The following TRAF1 variants were observed in gnomAD, a reference collection of about 807,000 sequenced individuals.
TRAF1 encodes TNF receptor-associated factor 1.
Under a neutral mutation model 40.9 loss-of-function variants are expected in TRAF1, and 23 were observed. The observed-to-expected ratio is 0.56, with a 90% confidence interval of 0.40 to 0.80. The LOEUF is 0.80. Ranked by LOEUF, TRAF1 falls within the 30% of genes least tolerant of loss-of-function variation. The pLI is 0.00. For missense variants in TRAF1, 477 were observed against 528.7 expected, an observed-to-expected ratio of 0.90 and a Z score of 0.96; for synonymous variants, 206 against 218.8, an observed-to-expected ratio of 0.94 and a Z score of 0.52.
At chr9:120,916,478 T>C (rs75291069) in intron 3 of TRAF1, among the ~76,000 whole-genome samples, 2 of 151,486 alleles carry the variant, frequency 1.3e-5, no homozygotes, top group African/African-American at 4.8e-5. Context: ...TATTTATTTA[T>C]TTTTTTTTGA....
chr9:120,919,759 T>G (rs982597807), intron 3 of TRAF1, among the ~76,000 whole-genome samples: 2 of 152,214 alleles, frequency 1.3e-5, no homozygotes, highest in Non-Finnish European at 2.9e-5. Context: ...TGGTTGAACA[T>G]AGTCTTGCCC....
chr9:120,923,591 T>G, intron 3 of TRAF1, 114 bp downstream of exon 3: 1 of 925,374 alleles, frequency 1.1e-6, no homozygotes, highest in South Asian at 1.3e-5. Flanking sequence ...CAGTCTGGAC[T>G]CAGGACTAGT....
At chr9:120,906,928 G>T (rs1016211141) in intron 7 of TRAF1, among the ~76,000 whole-genome samples, 1 of 152,114 alleles carries the variant, frequency 6.6e-6, no homozygotes, top group African/African-American at 2.4e-5. Context: ...GAGTACAGTG[G>T]CGCGATCTCA....
rs1368032044 is a variant in TRAF1 at position 120,923,582 on chromosome 9, A to G, written c.228+123T>C. 6 of 849,702 alleles carry G rather than the reference A, an allele frequency of 7.1e-6. No homozygotes were observed. In the East Asian group the frequency reaches 1.3e-4, roughly 18 times the overall value. 52.6% of individuals were successfully genotyped at this position (849,702 alleles called of 1,614,324 possible). A position where few individuals can be genotyped will look rare whatever the true frequency, so the allele number is the denominator to read the frequency against. On this transcript the variant is annotated intron_variant, in intron 3 of 7. Coordinates refer to ENST00000373887, the MANE Select transcript of TRAF1 (RefSeq NM_005658.5). Reference sequence around the variant, plus strand: ...TCCTTATTCCTTATAAAGCAAATTCAGTCTGGACTCAGGACTAGTTGGGAG... The same window carrying G: ...TCCTTATTCCTTATAAAGCAAATTCGGTCTGGACTCAGGACTAGTTGGGAG...
Position 120,923,806 on chromosome 9 carries a change from G to C in TRAF1, c.141-14C>G. On this transcript the variant is annotated splice_polypyrimidine_tract_variant and intron_variant, in intron 2 of 7. Coordinates refer to ENST00000373887, the MANE Select transcript of TRAF1 (RefSeq NM_005658.5). ...TCCTCGCCATTCCTGGGGAAACATG[G>C]ACAAAGCCTTGGAGAGAGGCACTAC... 6.2e-7 allele frequency: 1 copy of C among 1,613,600 alleles called. No individual in the cohort carries two copies.
intron 3 of TRAF1, among the ~76,000 whole-genome samples, chr9:120,917,861 T>C (rs1342614471): frequency 6.6e-6 from 1 of 152,126 alleles, no homozygotes; most frequent in Admixed American, 6.6e-5. Context: ...GTTTTGCCAT[T>C]GTTATGGGCT....
At position 120,909,263 on chromosome 9, in the gene TRAF1, A is replaced by G. The variant is rs751410769; in HGVS notation, c.999T>C (p.Tyr333=). Residue 333 remains tyrosine (Y), a synonymous_variant, in exon 7 of 8, where the codon TAT becomes TAC. Transcript: ENST00000373887. ...GGAAGGGCCACGGCAGCAGCGCATC[A>G]TACTCCCCTCTCATGATCACGATGA... ...SLFIVIMRGE[Y]DALLPWPFRN... 3.1e-6 allele frequency: 5 copies of G among 1,614,068 alleles called. No individual in the cohort carries two copies. The highest frequency in any genetic ancestry group is 1.3e-5 in the African/African-American group (1 of 75,018).
intron 3 of TRAF1, among the ~76,000 whole-genome samples, chr9:120,919,794 G>A (rs1162632721): frequency 1.3e-5 from 2 of 152,154 alleles, no homozygotes; most frequent in Non-Finnish European, 2.9e-5. Context: ...CATAGCACTT[G>A]GTGGACTCCT....
chr9:120,909,234 T>C lies in TRAF1; in HGVS notation c.1028A>G (p.Asn343Ser). ...CCATCACCTTCACACCCATACCTTG[T>C]TCCGGAAGGGCCACGGCAGCAGCGC... ...YDALLPWPFR[N>S]KVTFMLLDQN... The change falls in exon 7 of 8, where the codon AAC becomes AGC. Residue 343 changes from asparagine (N) to serine (S), a missense_variant. Asn to Ser is a conservative substitution (Grantham distance 46). Coordinates refer to ENST00000373887, the MANE Select transcript of TRAF1 (RefSeq NM_005658.5). 6.2e-7 allele frequency: 1 copy of C among 1,613,784 alleles called. No individual in the cohort carries two copies. Among genetic ancestry groups the C allele is most frequent in the South Asian group, 1.1e-5 (1 of 91,062 alleles).
intron 3 of TRAF1, among the ~76,000 whole-genome samples, chr9:120,919,641 C>T (rs75296122): frequency 0.012 from 1,864 of 152,274 alleles, 33 homozygotes; most frequent in African/African-American, 0.042. Flanking sequence ...GTCAGTCTGC[C>T]ACTGTCCGCC....
chr9:120,904,710 C>T lies in TRAF1; in HGVS notation c.*310G>A. The T allele has an allele frequency of 2.7e-6, 1 of 367,000 alleles. No individual in the cohort carries two copies. The highest frequency in any genetic ancestry group is 2.1e-5 in the African/African-American group (1 of 48,638). 22.7% of individuals were successfully genotyped at this position (367,000 alleles called of 1,614,324 possible). ...GTTCCAAGCCTGGTTCCATTTTCTT[C>T]TCATTTGGTGAGAGTCCACCTCAAC... On this transcript the variant is annotated 3_prime_UTR_variant, in exon 8 of 8. Coordinates refer to ENST00000373887, the MANE Select transcript of TRAF1 (RefSeq NM_005658.5).
intron 3 of TRAF1, among the ~76,000 whole-genome samples, chr9:120,916,416 T>C (rs2046569881): frequency 6.6e-6 from 1 of 152,212 alleles, no homozygotes; most frequent in Non-Finnish European, 1.5e-5. Context: ...ACACTTAAAA[T>C]GAGTGAGTTT....
In TRAF1 at chr9:120,926,234, G is replaced by C. The variant is rs1328282916; in HGVS notation, c.-159C>G. ...TTGTGTGGTTCAACGTCACAGCTGA[G>C]TCACAGCAGGGATGGAGCAGGAATT... On this transcript the variant is annotated 5_prime_UTR_variant, in exon 2 of 8. Transcript: ENST00000373887. The C allele has an allele frequency of 1.4e-6, 1 of 739,280 alleles. No homozygotes were observed. The highest frequency in any genetic ancestry group is 3.6e-5 in the Admixed American group (1 of 27,728). The allele number at this position is 739,280 out of a possible 1,614,324, so 45.8% of individuals were successfully genotyped here.
At chr9:120,915,122 G>A (rs144134050) in intron 3 of TRAF1, among the ~76,000 whole-genome samples, 78 of 152,276 alleles carry the variant, frequency 5.1e-4, no homozygotes, top group African/African-American at 1.8e-3. Flanking sequence ...CAGCCCAGGA[G>A]AGATGGGAAA....
intron 3 of TRAF1, among the ~76,000 whole-genome samples, chr9:120,914,961 G>A (rs1261741853): frequency 6.6e-6 from 1 of 152,180 alleles, no homozygotes; most frequent in East Asian, 1.9e-4. Context: ...TTACAGCATG[G>A]TGGGGAAGAG....
intron 3 of TRAF1, among the ~76,000 whole-genome samples, chr9:120,921,111 C>T (rs1441153663): frequency 6.6e-6 from 1 of 152,146 alleles, no homozygotes; most frequent in South Asian, 2.1e-4. Flanking sequence ...GCTGATGCCT[C>T]TCAGAGGTCT....
rs1285015222 is a variant in TRAF1, at chr9:120,904,430, A to G, written c.*590T>C. The G allele has an allele frequency of 1.9e-5, 3 of 153,968 alleles. No individual in the cohort carries two copies. The highest frequency in any genetic ancestry group is 4.3e-5 in the Non-Finnish European group (3 of 69,382). The allele number at this position is 153,968 out of a possible 1,614,324, so 9.5% of individuals were successfully genotyped here. A position where few individuals can be genotyped will look rare whatever the true frequency, so the allele number is the denominator to read the frequency against. On this transcript the variant is annotated 3_prime_UTR_variant, in exon 8 of 8. Coordinates refer to ENST00000373887, the MANE Select transcript of TRAF1 (RefSeq NM_005658.5). ...TGGGCCAGGAGGCCTAGAATGAGAG[A>G]CTTTCTGGGCTGGAAGGAAACTTAA...
intron 7 of TRAF1, among the ~76,000 whole-genome samples, chr9:120,907,615 T>G (rs2046492695): frequency 6.6e-6 from 1 of 152,236 alleles, no homozygotes; most frequent in Non-Finnish European, 1.5e-5. Flanking sequence ...TTCCTGTTGC[T>G]CCACATCCTC....
rs1301682758 is a variant in TRAF1 at position 120,923,794 on chromosome 9, T to C, written c.141-2A>G. ...GGGCAGATCTGATCCTCGCCATTCC[T>C]GGGGAAACATGGACAAAGCCTTGGA... On this transcript the variant is annotated splice_acceptor_variant, in intron 2 of 7. Coordinates refer to ENST00000373887, the MANE Select transcript of TRAF1 (RefSeq NM_005658.5). LOFTEE classifies it high-confidence loss of function. 3 of 1,613,894 alleles carry C rather than the reference T, an allele frequency of 1.9e-6. No homozygotes were observed. Among genetic ancestry groups the C allele is most frequent in the Non-Finnish European group, 2.5e-6 (3 of 1,179,928 alleles).
Sources: gnomAD v4.1 joint callset for allele counts (sites outside exome capture counted in the v4.1 genomes callset) on GRCh38, gnomAD v4.1.1 for gene constraint, MANE v1.5 for transcripts, NCBI Gene and HGNC (gene_info 2026-07-23, HGNC 2026-07-21) for gene names.